The following CDCA2 variants were observed in gnomAD, a reference collection of about 807,000 sequenced individuals.
CDCA2 encodes cell division cycle-associated protein 2.
CDCA2 carries 44 observed loss-of-function variants against 67.0 expected under a neutral mutation model. That is an observed-to-expected ratio of 0.66 (90% CI 0.52 to 0.84). The LOEUF (loss-of-function observed/expected upper bound fraction) is 0.84, where lower values mean the gene tolerates loss of function less well. Ranked by LOEUF, CDCA2 falls within the 40% of genes least tolerant of loss-of-function variation. The pLI is 0.00. For synonymous variants in CDCA2, 447 were observed against 418.7 expected (o/e 1.07, Z -0.82); for missense variants, 1,253 against 1,203.2 (o/e 1.04, Z -0.61).
At position 25,483,388 on chromosome 8, in the gene CDCA2, A is replaced by G. The variant is rs749981910; in HGVS notation, c.1033-11A>G. 1.2e-5 allele frequency: 19 copies of G among 1,533,504 alleles called. No homozygotes were observed. Among genetic ancestry groups the G allele is most frequent in the Non-Finnish European group, 1.7e-5 (19 of 1,135,216 alleles). The allele number at this position is 1,533,504 out of a possible 1,614,324, so 95.0% of individuals were successfully genotyped here. On this transcript the variant is annotated splice_polypyrimidine_tract_variant and intron_variant, in intron 8 of 14. Transcript: ENST00000330560. Reference sequence around the variant, plus strand: ...TATGTAAAATTATTCATTAATGTTTATTCTGTTTAGGAACACTGTAACAAC... The same window carrying G: ...TATGTAAAATTATTCATTAATGTTTGTTCTGTTTAGGAACACTGTAACAAC...
chr8:25,496,188 C>T (rs1563280962), intron 13 of CDCA2, among the ~76,000 whole-genome samples: 2 of 152,188 alleles, frequency 1.3e-5, no homozygotes, highest in African/African-American at 2.4e-5. Context: ...GACACAAATC[C>T]ATCTTCAAGG....
intron 1 of CDCA2, among the ~76,000 whole-genome samples, 188 bp downstream of exon 1, chr8:25,459,661 T>C (rs976302421): frequency 1.3e-5 from 2 of 152,184 alleles, no homozygotes; most frequent in Non-Finnish European, 1.5e-5. Context: ...GGGGTACCCT[T>C]ATGATTCAGG....
At chr8:25,479,298 T>G (rs926549098) in intron 7 of CDCA2, among the ~76,000 whole-genome samples, 2 of 152,136 alleles carry the variant, frequency 1.3e-5, no homozygotes, top group African/African-American at 4.8e-5. Context: ...GTGCTGGTTT[T>G]GGGGGTTTGC....
At chr8:25,500,539 C>T (rs1277931173) in intron 13 of CDCA2, among the ~76,000 whole-genome samples, 1 of 152,006 alleles carries the variant, frequency 6.6e-6, no homozygotes, top group African/African-American at 2.4e-5. Context: ...AAAAGGGTCA[C>T]TCTGTTGCCC....
intron 13 of CDCA2, 92 bp downstream of exon 13, chr8:25,488,781 G>A (rs1185464076): frequency 2.3e-6 from 3 of 1,291,980 alleles, no homozygotes; most frequent in African/African-American, 1.5e-5. Context: ...TTTTTTTCCA[G>A]TTGACTTTGG....
chr8:25,467,066 A>AC (rs1563261042), intron 5 of CDCA2, among the ~76,000 whole-genome samples: 2 of 102,450 alleles, frequency 2.0e-5, no homozygotes, highest in South Asian at 3.3e-4. Context: ...AAAAAAAAAA[A>AC]CACACACACA....
chr8:25,468,562 T>TGTGTGGGTGC, intron 6 of CDCA2, 149 bp downstream of exon 6: 1 of 452,630 alleles, frequency 2.2e-6, no homozygotes, highest in Non-Finnish European at 3.9e-6. Context: ...TGTGTGCGTG[T>TGTGTGGGTGC]GTGTGTGTGT....
chr8:25,462,246 A>G (rs1315579215), intron 4 of CDCA2, 38 bp downstream of exon 4: 2 of 1,602,052 alleles, frequency 1.2e-6, no homozygotes, highest in Non-Finnish European at 1.7e-6. Context: ...GAATTCCGTT[A>G]ATGAAGCTTT....
rs529072534 is a variant in CDCA2, at chr8:25,497,288, A to G, written c.1672-6085A>G. On this transcript the variant is annotated intron_variant, in intron 13 of 14. Coordinates refer to ENST00000330560, the MANE Select transcript of CDCA2 (RefSeq NM_152562.4). ...GAAATCAGTATATCAAAGAGCGATA[A>G]CCAAGTTACAGACTCAAGCTGAGTA... 2.1e-4 allele frequency among the ~76,000 whole-genome samples: 32 copies of G among 152,302 alleles called. No individual in the cohort carries two copies. In the South Asian group the frequency reaches 6.6e-3, roughly 32 times the overall value.
intron 9 of CDCA2, 134 bp downstream of exon 9, chr8:25,483,620 T>C (rs1803654152): frequency 1.5e-6 from 1 of 647,184 alleles, no homozygotes; most frequent in African/African-American, 1.8e-5. Context: ...GAAGAACAGT[T>C]GAGAAGGTTA....
rs920955297 is a variant in CDCA2, at chr8:25,506,551, C to T, written c.1885C>T (p.Pro629Ser). ...SNGKLEEVKT[P>S]KNPVKRKDLL... The stretch of plus-strand genomic sequence containing the variant: ...TGGCAAACTGGAAGAAGTGAAGACT[C>T]CTAAAAATCCAGTGAAAAGAAAGGA... Residue 629 changes from proline (P) to serine (S), a missense_variant, in exon 15 of 15, where the codon CCT (proline) becomes TCT (serine). Coordinates refer to ENST00000330560, the MANE Select transcript of CDCA2 (RefSeq NM_152562.4). 1.9e-6 allele frequency: 3 copies of T among 1,594,278 alleles called. No homozygotes were observed. Among genetic ancestry groups the T allele is most frequent in the Middle Eastern group, 1.7e-4 (1 of 5,910 alleles).
intron 4 of CDCA2, among the ~76,000 whole-genome samples, chr8:25,463,195 A>G (rs1401389527): frequency 1.3e-5 from 2 of 152,162 alleles, no homozygotes; most frequent in African/African-American, 4.8e-5. Context: ...ATTTGGGACA[A>G]CCTTGTGGAG....
At position 25,507,399 on chromosome 8, in the gene CDCA2, ACTTC is replaced by A. The variant is rs2117561846; in HGVS notation, c.2739_2742del (p.Ser914LeufsTer24). ...AAGGTCTTGTATGGATTTCACTTCC[ACTTC>A]CTTCCACTTCCCAAAAAGCCAAAAG... On this transcript the variant is annotated frameshift_variant, in exon 15 of 15. Coordinates refer to ENST00000330560, the MANE Select transcript of CDCA2 (RefSeq NM_152562.4). LOFTEE classifies it low-confidence loss of function (END_TRUNC). The A allele has an allele frequency of 1.2e-6, 2 of 1,613,840 alleles. No individual in the cohort carries two copies. The highest frequency in any genetic ancestry group is 1.7e-6 in the Non-Finnish European group (2 of 1,179,920).
intron 4 of CDCA2, 104 bp from the exon 5 acceptor site, chr8:25,466,071 G>C: frequency 2.0e-6 from 2 of 999,056 alleles, no homozygotes; most frequent in South Asian, 3.6e-5. Flanking sequence ...TCTTCAAAAA[G>C]CATATGTGTA....
chr8:25,497,963 A>G (rs1269831165), intron 13 of CDCA2, among the ~76,000 whole-genome samples: 1 of 152,226 alleles, frequency 6.6e-6, no homozygotes. Context: ...GACTTGGCTA[A>G]TTCTATAGGA....
At position 25,485,822 on chromosome 8, in the gene CDCA2, T is replaced by G. The variant is rs1413105306; in HGVS notation, c.1429T>G (p.Ser477Ala). The G allele has an allele frequency of 6.3e-7, 1 of 1,595,904 alleles. No homozygotes were observed. The highest frequency in any genetic ancestry group is 2.2e-5 in the East Asian group (1 of 44,562). ...CAGTTCTCCTAATAAATCATCAATC[T>G]CTGAGACCCTTTCAGGTAGTAACTT... ...VLSSPNKSSI[S>A]ETLSGTDTFS... The change falls in exon 11 of 15, where the codon TCT becomes GCT. Residue 477 changes from serine to alanine, a missense_variant. Physicochemically the swap from Ser to Ala is moderately conservative, Grantham distance 99. Transcript: ENST00000330560.
At position 25,468,464 on chromosome 8, in the gene CDCA2, T is replaced by C. The variant is rs752689558; in HGVS notation, c.735+51T>C. On this transcript the variant is annotated intron_variant, in intron 6 of 14. Transcript: ENST00000330560. The stretch of plus-strand genomic sequence containing the variant: ...AAAATGAAGTTGTTGGTTTTCTGCA[T>C]AGGCAGTTTTAAGGCTGTCAGTGCC... 4.9e-5 allele frequency: 73 copies of C among 1,497,830 alleles called. 2 individuals are homozygous for C. In the Admixed American group the frequency reaches 1.2e-3, roughly 25 times the overall value. The allele number at this position is 1,497,830 out of a possible 1,614,324, so 92.8% of individuals were successfully genotyped here.
chr8:25,474,456 C>T (rs1190464048), intron 7 of CDCA2, among the ~76,000 whole-genome samples: 1 of 152,194 alleles, frequency 6.6e-6, no homozygotes, highest in Non-Finnish European at 1.5e-5. Flanking sequence ...GTCGTCTTCT[C>T]ACTCATTATT....
At chr8:25,488,770 AT>A in intron 13 of CDCA2, 81 bp downstream of exon 13, 12 of 1,337,694 alleles carry the variant, frequency 9.0e-6, no homozygotes, top group South Asian at 1.8e-5. Context: ...ATAGAAACAC[AT>A]TTTTTTCCAG....
Sources: gnomAD v4.1 joint callset for allele counts (sites outside exome capture counted in the v4.1 genomes callset) on GRCh38, gnomAD v4.1.1 for gene constraint, MANE v1.5 for transcripts, NCBI Gene and HGNC (gene_info 2026-07-23, HGNC 2026-07-21) for gene names.